The following PDE3A variants were observed in gnomAD, a reference collection of about 807,000 sequenced individuals.
PDE3A encodes the protein cGMP-inhibited 3',5'-cyclic phosphodiesterase 3A.
A neutral mutation model predicts 98.3 loss-of-function variants in PDE3A; 43 were observed. The ratio of observed to expected loss-of-function variants is 0.44; its 90% CI spans 0.34 to 0.56. The LOEUF is 0.56. Among genes scored for constraint, PDE3A ranks in the 20% least tolerant of loss-of-function variants. PDE3A has a pLI of 0.01. For synonymous variants in PDE3A, 663 were observed against 567.9 expected (o/e 1.17, Z -2.38); for missense variants, 1,427 against 1,440.7 (o/e 0.99, Z 0.15).
intron 2 of PDE3A, among the ~76,000 whole-genome samples, chr12:20,559,993 A>G (rs1942473730): frequency 6.6e-6 from 1 of 152,206 alleles, no homozygotes; most frequent in Non-Finnish European, 1.5e-5. Flanking sequence ...TTGACTAGAT[A>G]GGCAGAGGAA....
At chr12:20,669,521 C>G (rs1202190975) in intron 15 of PDE3A, among the ~76,000 whole-genome samples, 3 of 151,902 alleles carry the variant, frequency 2.0e-5, no homozygotes, top group Non-Finnish European at 4.4e-5. Context: ...CCCTACAAGC[C>G]AGAAGAGAGT....
intron 15 of PDE3A, among the ~76,000 whole-genome samples, chr12:20,677,546 G>A (rs191150445): frequency 8.6e-5 from 13 of 151,990 alleles, no homozygotes; most frequent in South Asian, 2.1e-4. Flanking sequence ...TGCAACCTCC[G>A]CCTCCCGGGT....
chr12:20,369,365 G>A lies in PDE3A; in HGVS notation c.81G>A (p.Arg27=). Reference sequence around the variant, plus strand: ...TGAGTCAAGCCCCCACGGCGGGCCGGGACTGCCACCATCGTGCGGACCCCG... The same window carrying A: ...TGAGTCAAGCCCCCACGGCGGGCCGAGACTGCCACCATCGTGCGGACCCCG... ...SGVSQAPTAG[R]DCHHRADPAS... is the part of the protein sequence containing the mutation. Residue 27 remains arginine, a synonymous_variant, in exon 1 of 16, where the codon CGG becomes CGA. Transcript: ENST00000359062. The A allele has an allele frequency of 1.3e-6, 2 of 1,549,368 alleles. No homozygotes were observed.
At position 20,369,915 on chromosome 12, in the gene PDE3A, G is replaced by A. The variant is rs1029963643; in HGVS notation, c.631G>A (p.Gly211Ser). 7 of 1,613,486 alleles carry A rather than the reference G, an allele frequency of 4.3e-6. No homozygotes were observed. The highest frequency in any genetic ancestry group is 4.2e-6 in the Non-Finnish European group (5 of 1,179,996). ...ATWLVLRLRL[G>S]VLMIALTSAV... ...ATGGCTGGTGCTGAGGCTGAGGCTG[G>A]GCGTCCTCATGATCGCCTTGACTAG... Residue 211 changes from glycine (G) to serine (S), a missense_variant, in exon 1 of 16, where the codon GGC (glycine) becomes AGC (serine). Physicochemically the swap from Gly to Ser is moderately conservative, Grantham distance 56. Coordinates refer to ENST00000359062, the MANE Select transcript of PDE3A (RefSeq NM_000921.5).
chr12:20,466,777 T>C (rs1161394318), intron 1 of PDE3A, among the ~76,000 whole-genome samples: 1 of 152,206 alleles, frequency 6.6e-6, no homozygotes, highest in African/African-American at 2.4e-5. Flanking sequence ...GTTTGAATTT[T>C]AGGATAAGTG....
intron 1 of PDE3A, among the ~76,000 whole-genome samples, chr12:20,385,881 A>G (rs1317374006): frequency 6.8e-6 from 1 of 146,382 alleles, no homozygotes; most frequent in African/African-American, 2.5e-5. Flanking sequence ...TGGCACATGT[A>G]TACATATGGA....
In PDE3A at chr12:20,369,619, TC is replaced by T; in HGVS notation, c.338del (p.Pro113ArgfsTer94). 1 of 1,578,738 alleles carries T rather than the reference TC, an allele frequency of 6.3e-7. No homozygotes were observed. Among genetic ancestry groups the T allele is most frequent in the Non-Finnish European group, 8.6e-7 (1 of 1,162,980 alleles). On this transcript the variant is annotated frameshift_variant, in exon 1 of 16. Transcript: ENST00000359062. LOFTEE classifies it high-confidence loss of function. Reference sequence around the variant, plus strand: ...GCCCCGGGAGCAGAAGGGGGCGTCTTCCCGGGGCCTCGGGGAGGTGCTCCCG... The same window carrying T: ...GCCCCGGGAGCAGAAGGGGGCGTCTTCCGGGGCCTCGGGGAGGTGCTCCCG... ...EAAPGAEGGV[F>X]PGPRGGAPGG...
chr12:20,387,448 T>C (rs1052054130), intron 1 of PDE3A, among the ~76,000 whole-genome samples: 3 of 151,958 alleles, frequency 2.0e-5, no homozygotes, highest in Non-Finnish European at 4.4e-5. Context: ...CTCTCATTCC[T>C]TGGATGCTCT....
intron 2 of PDE3A, among the ~76,000 whole-genome samples, chr12:20,590,502 T>G (rs1943311540): frequency 6.6e-6 from 1 of 150,830 alleles, no homozygotes; most frequent in Non-Finnish European, 1.5e-5. Flanking sequence ...AAGCTGGGTG[T>G]GGTGGCTCAC....
intron 6 of PDE3A, among the ~76,000 whole-genome samples, chr12:20,631,516 G>T (rs1027633969): frequency 6.6e-6 from 1 of 152,094 alleles, no homozygotes; most frequent in Non-Finnish European, 1.5e-5. Context: ...TTGTTTTATT[G>T]TATGCACCCT....
intron 1 of PDE3A, among the ~76,000 whole-genome samples, chr12:20,381,967 A>G (rs371002652): frequency 1.3e-5 from 2 of 151,882 alleles, no homozygotes; most frequent in East Asian, 3.9e-4. Context: ...CCTGGTTAAT[A>G]GATTAATCAA....
In PDE3A at chr12:20,563,447, C is replaced by T. The variant is rs573748661; in HGVS notation, c.1011+6737C>T. 1.0e-4 allele frequency among the ~76,000 whole-genome samples: 15 copies of T among 150,518 alleles called. No homozygotes were observed. In the East Asian group the frequency reaches 2.9e-3, roughly 29 times the overall value. ...AGCAGATTGGGAGCTCATTATTAGT[C>T]TCTCAAATGTCCGACATGTTACCAG... On this transcript the variant is annotated intron_variant, in intron 2 of 15. Transcript: ENST00000359062.
intron 1 of PDE3A, among the ~76,000 whole-genome samples, chr12:20,527,817 C>T (rs1461534889): frequency 6.6e-6 from 1 of 151,840 alleles, no homozygotes; most frequent in African/African-American, 2.4e-5. Flanking sequence ...CTTTTTTCCC[C>T]CCATTATATT....
At chr12:20,407,150 G>A (rs1944247044) in intron 1 of PDE3A, among the ~76,000 whole-genome samples, 1 of 152,170 alleles carries the variant, frequency 6.6e-6, no homozygotes. Context: ...GTTGATTACA[G>A]GCTCTGTGAT....
chr12:20,442,271 T>C (rs955727278), intron 1 of PDE3A, among the ~76,000 whole-genome samples: 2 of 152,228 alleles, frequency 1.3e-5, no homozygotes, highest in African/African-American at 4.8e-5. Context: ...TTTTGTCTAT[T>C]AGTTAGGATA....
chr12:20,431,701 A>G (rs1944702324), intron 1 of PDE3A, among the ~76,000 whole-genome samples: 1 of 152,106 alleles, frequency 6.6e-6, no homozygotes, highest in Admixed American at 6.6e-5. Context: ...GTATGTCTAA[A>G]TTTTTCATGG....
At chr12:20,604,044 C>T (rs1252328747) in intron 2 of PDE3A, among the ~76,000 whole-genome samples, 1 of 152,102 alleles carries the variant, frequency 6.6e-6, no homozygotes, top group East Asian at 1.9e-4. Flanking sequence ...TGGCGCATGC[C>T]TGGGGTCCTA....
chr12:20,484,833 T>TA (rs1234562155), intron 1 of PDE3A, among the ~76,000 whole-genome samples: 1 of 152,188 alleles, frequency 6.6e-6, no homozygotes, highest in Non-Finnish European at 1.5e-5. Flanking sequence ...AATTCGTGTT[T>TA]AAAAAATTAC....
Position 20,629,891 on chromosome 12 carries a change from C to T in PDE3A, c.1541-17C>T, listed in dbSNP as rs745646932. The T allele has an allele frequency of 1.3e-6, 2 of 1,585,398 alleles. No homozygotes were observed. Among genetic ancestry groups the T allele is most frequent in the South Asian group, 1.1e-5 (1 of 90,466 alleles). ...TAAAGACATTTGTTTAGTTACTTAA[C>T]TCTCATTCTTTCTCAGGTGCCCTCG... On this transcript the variant is annotated splice_polypyrimidine_tract_variant and intron_variant, in intron 5 of 15. Coordinates refer to ENST00000359062, the MANE Select transcript of PDE3A (RefSeq NM_000921.5).
Sources: allele counts gnomAD v4.1 joint callset (sites outside exome capture counted in the v4.1 genomes callset), GRCh38; gene constraint gnomAD v4.1.1; transcripts MANE v1.5; gene names NCBI Gene and HGNC (gene_info 2026-07-23, HGNC 2026-07-21).